MYO9A: variants seen among roughly 807,000 people sequenced by gnomAD.
MYO9A encodes unconventional myosin-IXa.
MYO9A carries 103 observed loss-of-function variants against 293.3 expected under a neutral mutation model. The ratio of observed to expected loss-of-function variants is 0.35; its 90% CI spans 0.30 to 0.41. The LOEUF is 0.41. Ranked by LOEUF, MYO9A falls within the 10% of genes least tolerant of loss-of-function variation. MYO9A has a pLI of 1.00. For missense variants in MYO9A, 2,685 were observed against 3,033.0 expected, an observed-to-expected ratio of 0.89 and a Z score of 2.69; for synonymous variants, 1,001 against 1,035.7, an observed-to-expected ratio of 0.97 and a Z score of 0.64.
At chr15:72,060,423 A>T (rs913042957) in intron 1 of MYO9A, among the ~76,000 whole-genome samples, 5 of 152,182 alleles carry the variant, frequency 3.3e-5, no homozygotes, top group African/African-American at 1.2e-4. Context: ...TAAATAAAAA[A>T]TAAAAGAGCC....
intron 19 of MYO9A, among the ~76,000 whole-genome samples, chr15:71,914,266 T>C (rs903131237): frequency 1.3e-5 from 2 of 152,192 alleles, no homozygotes; most frequent in Admixed American, 6.5e-5. Context: ...TTATTTCCCC[T>C]ATTCTCAGAG....
At chr15:71,953,088 TA>T (rs1428944016) in intron 14 of MYO9A, among the ~76,000 whole-genome samples, 1 of 152,184 alleles carries the variant, frequency 6.6e-6, no homozygotes, top group Non-Finnish European at 1.5e-5. Flanking sequence ...TAAAAGTAAC[TA>T]AACTAATAAA....
intron 4 of MYO9A, among the ~76,000 whole-genome samples, chr15:72,021,657 G>A (rs981762134): frequency 6.6e-6 from 1 of 152,162 alleles, no homozygotes; most frequent in Non-Finnish European, 1.5e-5. Flanking sequence ...CATAGAAACT[G>A]AGGCAATCGC....
intron 1 of MYO9A, among the ~76,000 whole-genome samples, chr15:72,081,094 T>C (rs1323459181): frequency 1.3e-5 from 2 of 152,146 alleles, no homozygotes; most frequent in Non-Finnish European, 2.9e-5. Context: ...AGTAATGAGA[T>C]TGCTGGGTTG....
intron 26 of MYO9A, chr15:71,890,730 A>C (rs1367063283): frequency 6.6e-6 from 1 of 152,016 alleles, no homozygotes; most frequent in Non-Finnish European, 1.5e-5. Flanking sequence ...TAATTTAAAA[A>C]CTCAAATCTC....
chr15:72,051,308 GGCA>G (rs1347607072), intron 1 of MYO9A, among the ~76,000 whole-genome samples: 3 of 152,212 alleles, frequency 2.0e-5, no homozygotes, highest in Non-Finnish European at 2.9e-5. Context: ...GCTCCATGGA[GGCA>G]GCAGAAGCCA....
Position 71,837,112 on chromosome 15 carries a change from A to G in MYO9A, c.6838-6801T>C, listed in dbSNP as rs573752127. 4.6e-4 allele frequency among the ~76,000 whole-genome samples: 70 copies of G among 152,208 alleles called. 2 individuals are homozygous for G. In the Middle Eastern group the frequency reaches 0.014, roughly 30 times the overall value. On this transcript the variant is annotated intron_variant, in intron 39 of 41. Transcript: ENST00000356056. ...GCCTTTGAAAATTATGTGACTTTAA[A>G]CTGACAAATTTCTGAGTTGAGTTTG...
chr15:72,102,010 G>A (rs1455439229), intron 1 of MYO9A, among the ~76,000 whole-genome samples: 8 of 150,956 alleles, frequency 5.3e-5, no homozygotes, highest in African/African-American at 1.2e-4. Flanking sequence ...CATTGAGAAC[G>A]GGCCAGGATG....
chr15:71,943,768 A>G (rs967024913), intron 15 of MYO9A, among the ~76,000 whole-genome samples: 1 of 152,136 alleles, frequency 6.6e-6, no homozygotes, highest in African/African-American at 2.4e-5. Context: ...AGAACTTTAT[A>G]CAGATGGAAT....
chr15:72,106,801 A>C (rs909338193), intron 1 of MYO9A, among the ~76,000 whole-genome samples: 1 of 152,156 alleles, frequency 6.6e-6, no homozygotes, highest in Admixed American at 6.5e-5. Context: ...CAAATCCTAA[A>C]ATAAAATAAG....
At chr15:71,994,404 T>C (rs887339395) in intron 10 of MYO9A, 65 bp downstream of exon 10, 59 of 973,392 alleles carry the variant, frequency 6.1e-5, no homozygotes, top group Non-Finnish European at 8.4e-5. Context: ...TTAAATTTCA[T>C]GTATTAACCA....
chr15:71,859,184 G>GTGAT (rs1381543481), intron 34 of MYO9A, among the ~76,000 whole-genome samples: 1 of 152,220 alleles, frequency 6.6e-6, no homozygotes, highest in Admixed American at 6.5e-5. Context: ...CTGTCAGTAT[G>GTGAT]TGATTAATGA....
intron 13 of MYO9A, chr15:71,960,504 G>A (rs1022675881): frequency 1.2e-5 from 2 of 166,420 alleles, no homozygotes; most frequent in Admixed American, 5.8e-5. Flanking sequence ...CTGAAGAATC[G>A]TGAGCCAATT....
chr15:72,060,082 T>C (rs905500021), intron 1 of MYO9A, among the ~76,000 whole-genome samples: 1 of 152,224 alleles, frequency 6.6e-6, no homozygotes, highest in African/African-American at 2.4e-5. Flanking sequence ...CCTGAGTTAT[T>C]ATTTTGAACT....
At chr15:71,975,428 T>TGTGTGTG (rs2076116955) in intron 12 of MYO9A, among the ~76,000 whole-genome samples, 9 of 147,940 alleles carry the variant, frequency 6.1e-5, no homozygotes, top group Admixed American at 1.3e-4. Context: ...TGTGTGTGTG[T>TGTGTGTG]AGGTTTTCGT....
intron 1 of MYO9A, among the ~76,000 whole-genome samples, chr15:72,075,627 A>C (rs1380592387): frequency 6.6e-6 from 1 of 151,994 alleles, no homozygotes; most frequent in African/African-American, 2.4e-5. Context: ...CAAACTATCC[A>C]AATTAAAACG....
chr15:72,070,774 A>C (rs1361469867), intron 1 of MYO9A, among the ~76,000 whole-genome samples: 1 of 152,202 alleles, frequency 6.6e-6, no homozygotes, highest in East Asian at 1.9e-4. Context: ...ACTGATCTTC[A>C]ATAAAGTTGA....
chr15:72,108,134 T>C (rs2080640862), intron 1 of MYO9A, among the ~76,000 whole-genome samples: 2 of 152,336 alleles, frequency 1.3e-5, no homozygotes, highest in East Asian at 3.9e-4. Flanking sequence ...ATGGAATATT[T>C]GTATGGTACC....
At chr15:71,975,624 G>C (rs1449528683) in intron 12 of MYO9A, among the ~76,000 whole-genome samples, 1 of 151,978 alleles carries the variant, frequency 6.6e-6, no homozygotes, top group African/African-American at 2.4e-5. Flanking sequence ...CCTGCCCAAG[G>C]CAGGTCTCTA....
Sources: allele counts gnomAD v4.1 joint callset (sites outside exome capture counted in the v4.1 genomes callset), GRCh38; gene constraint gnomAD v4.1.1; transcripts MANE v1.5; gene names NCBI Gene and HGNC (gene_info 2026-07-23, HGNC 2026-07-21).